The following SLC13A3 variants were observed in gnomAD, a reference collection of about 807,000 sequenced individuals.
SLC13A3 encodes the protein Na(+)/dicarboxylate cotransporter 3.
In SLC13A3, 40 loss-of-function variants were observed where a neutral mutation model predicts 59.0. The observed-to-expected ratio is 0.68, with a 90% CI of 0.53 to 0.88. The LOEUF is 0.88. Among genes scored for constraint, SLC13A3 ranks in the 40% least tolerant of loss-of-function variants. The pLI, the probability that SLC13A3 is intolerant of heterozygous loss-of-function variation, is 0.00. For synonymous variants in SLC13A3, 317 were observed against 330.3 expected (o/e 0.96, Z 0.44); for missense variants, 699 against 783.2 (o/e 0.89, Z 1.28).
At chr20:46,635,305 A>G (rs1000794814) in intron 1 of SLC13A3, among the ~76,000 whole-genome samples, 3 of 152,172 alleles carry the variant, frequency 2.0e-5, no homozygotes, top group Non-Finnish European at 2.9e-5. Flanking sequence ...CGGCAGGCCC[A>G]GGGAAAGGAC....
chr20:46,618,353 G>T lies in SLC13A3; in HGVS notation c.112-4628C>A, dbSNP rs148966304. On this transcript the variant is annotated intron_variant, in intron 1 of 12. Transcript: ENST00000279027. ...AAGGGCTAAAACAGAGTTTAAGACA[G>T]TGAGCTATGGAGCAAAGGTGAAAGG... 5.7e-3 allele frequency among the ~76,000 whole-genome samples: 870 copies of T among 152,354 alleles called. 9 individuals are homozygous for T. Among genetic ancestry groups the T allele is most frequent in the African/African-American group, 0.02 (828 of 41,578 alleles).
At chr20:46,581,872 T>C (rs536549149) in intron 9 of SLC13A3, among the ~76,000 whole-genome samples, 1 of 152,144 alleles carries the variant, frequency 6.6e-6, no homozygotes, top group Non-Finnish European at 1.5e-5. Flanking sequence ...TTTGGAAGAC[T>C]GACTGGAAAA....
upstream of SLC13A3, chr20:46,673,906 A>G (rs2063106976): frequency 6.6e-6 from 1 of 152,230 alleles, no homozygotes; most frequent in African/African-American, 2.4e-5. Context: ...TTGAGCACCT[A>G]TTGTATACCA....
At chr20:46,649,637 C>T (rs1418575772) in intron 1 of SLC13A3, among the ~76,000 whole-genome samples, 1 of 152,156 alleles carries the variant, frequency 6.6e-6, no homozygotes, top group East Asian at 1.9e-4. Flanking sequence ...CACATCAATC[C>T]CAGAAGCTAG....
At position 46,632,465 on chromosome 20, in the gene SLC13A3, G is replaced by GA. The variant is rs754161406; in HGVS notation, c.112-18741dup. Among the ~76,000 whole-genome samples, 120 of 121,828 alleles carry GA rather than the reference G, an allele frequency of 9.8e-4. 1 individual carries two copies. Among genetic ancestry groups the GA allele is most frequent in the Non-Finnish European group, 1.5e-3 (78 of 51,478 alleles). 79.9% of individuals were successfully genotyped at this position (121,828 alleles called of 152,430 possible). On this transcript the variant is annotated intron_variant, in intron 1 of 12. Coordinates refer to ENST00000279027, the MANE Select transcript of SLC13A3 (RefSeq NM_022829.6). Reference sequence around the variant, plus strand: ...TGGAAGAAGGCCAGCCCCCAAGGGGGAAAAAAAAAAAAAGCTGCCAGGATC... The same window carrying GA: ...TGGAAGAAGGCCAGCCCCCAAGGGGGAAAAAAAAAAAAAAGCTGCCAGGATC...
chr20:46,632,533 T>A (rs729762), intron 1 of SLC13A3, among the ~76,000 whole-genome samples: 116,247 of 151,458 alleles, frequency 0.77, 45,253 homozygotes, highest in East Asian at 0.93. Flanking sequence ...CTGGGGGTTA[T>A]AATCCGGACC....
upstream of SLC13A3, among the ~76,000 whole-genome samples, chr20:46,674,604 C>CGCGCGCGG: frequency 7.8e-6 from 1 of 127,956 alleles, no homozygotes; most frequent in African/African-American, 3.2e-5. Flanking sequence ...CGCGCGCGCG[C>CGCGCGCGG]GTGTGTGTGT....
intron 11 of SLC13A3, among the ~76,000 whole-genome samples, chr20:46,565,841 C>T (rs1265593042): frequency 1.3e-5 from 2 of 152,208 alleles, no homozygotes; most frequent in African/African-American, 4.8e-5. Flanking sequence ...CAACTATCAA[C>T]AGTGTTGAAA....
Position 46,632,983 on chromosome 20 carries a change from CATCT to C in SLC13A3, c.111+18324_111+18327del, listed in dbSNP as rs952534324. Among the ~76,000 whole-genome samples the C allele has an allele frequency of 3.3e-5, 5 of 151,158 alleles. No homozygotes were observed. In the East Asian group the frequency reaches 5.9e-4, roughly 18 times the overall value. On this transcript the variant is annotated intron_variant, in intron 1 of 12. Coordinates refer to ENST00000279027, the MANE Select transcript of SLC13A3 (RefSeq NM_022829.6). ...TCTATCTATCTGTTTATGTATCTATCATCTATCTATCTATCATCTATCTATCTGG... is the reference window on the plus strand; with the variant it reads ...TCTATCTATCTGTTTATGTATCTATCATCTATCTATCATCTATCTATCTGG...
Position 46,582,553 on chromosome 20 carries a change from T to C in SLC13A3, c.1219+1019A>G, listed in dbSNP as rs1249645520. 2.6e-5 allele frequency: 20 copies of C among 773,178 alleles called. No homozygotes were observed. The Admixed American group carries it at 1.3e-3, about 49-fold the overall frequency. 47.9% of individuals were successfully genotyped at this position (773,178 alleles called of 1,614,324 possible). ...AAGAGTTCGAGACTGCGCTGAGCTG[T>C]GATGGTGCTACTGCACCCCAGCCTG... On this transcript the variant is annotated intron_variant, in intron 9 of 12. Coordinates refer to ENST00000279027, the MANE Select transcript of SLC13A3 (RefSeq NM_022829.6).
chr20:46,657,327 C>T (rs916147652), intron 1 of SLC13A3, among the ~76,000 whole-genome samples: 2 of 150,982 alleles, frequency 1.3e-5, no homozygotes, highest in African/African-American at 2.4e-5. Flanking sequence ...GAGCCGAGAT[C>T]GCACCACTGC....
chr20:46,583,797 G>A, intron 8 of SLC13A3, 128 bp from the exon 9 acceptor site: 2 of 1,488,500 alleles, frequency 1.3e-6, no homozygotes, highest in Non-Finnish European at 1.8e-6. Context: ...TTGGAGGCTG[G>A]GCCACTGGAT....
intron 1 of SLC13A3, among the ~76,000 whole-genome samples, chr20:46,622,629 T>C (rs200220486): frequency 0.11 from 6,086 of 54,026 alleles, 264 homozygotes; most frequent in Admixed American, 0.29. Flanking sequence ...TGCGTGTGTG[T>C]GTGTGTGTGT....
intron 1 of SLC13A3, among the ~76,000 whole-genome samples, chr20:46,644,757 C>T (rs1183903408): frequency 1.3e-5 from 2 of 152,088 alleles, no homozygotes; most frequent in Non-Finnish European, 2.9e-5. Context: ...CTCCTGAACA[C>T]CAGGGTTTGC....
chr20:46,632,471 A>C (rs1313355043), intron 1 of SLC13A3, among the ~76,000 whole-genome samples: 6 of 151,812 alleles, frequency 4.0e-5, no homozygotes, highest in Non-Finnish European at 8.8e-5. Context: ...GGGGGAAAAA[A>C]AAAAAAAGCT....
chr20:46,604,303 C>G lies in SLC13A3; in HGVS notation c.542-4266G>C, dbSNP rs113715239. ...CTGTCCTGGGTTCCTTTTAACACCC[C>G]CTTCCTGAAATAATCAGGGTAGCTC... On this transcript the variant is annotated intron_variant, in intron 3 of 12. Transcript: ENST00000279027. Among the ~76,000 whole-genome samples, 1,031 of 152,222 alleles carry G rather than the reference C, an allele frequency of 6.8e-3. 14 individuals are homozygous for G. Among genetic ancestry groups the G allele is most frequent in the African/African-American group, 0.024 (979 of 41,520 alleles).
rs1211977156 is a variant in SLC13A3, at chr20:46,596,179, T to C, written c.772A>G (p.Ile258Val). ...CACCTCTTGAGCTGGCCAAGCAGGA[T>C]GAGGTTAGGGGCTGTGCCCGTGAGT... ...ATLTGTAPNL[I>V]LLGQLKSFFP... Residue 258 changes from isoleucine (I) to valine (V), a missense_variant, in exon 5 of 13, where the codon ATC becomes GTC. By Grantham distance (29) the Ile-to-Val change is conservative. Coordinates refer to ENST00000279027, the MANE Select transcript of SLC13A3 (RefSeq NM_022829.6). 6.2e-7 allele frequency: 1 copy of C among 1,613,472 alleles called. No individual in the cohort carries two copies. The highest frequency in any genetic ancestry group is 8.5e-7 in the Non-Finnish European group (1 of 1,179,862).
intron 7 of SLC13A3, 33 bp downstream of exon 7, chr20:46,589,127 A>G (rs1460556043): frequency 1.3e-6 from 2 of 1,584,754 alleles, no homozygotes; most frequent in Non-Finnish European, 1.7e-6. Flanking sequence ...TTTAATACTC[A>G]GCTCTTTCCT....
chr20:46,622,124 G>A (rs2062621873), intron 1 of SLC13A3, among the ~76,000 whole-genome samples: 1 of 152,176 alleles, frequency 6.6e-6, no homozygotes, highest in Admixed American at 6.5e-5. Context: ...CCAGAACTTG[G>A]CACAGTCCCC....
Sources: allele counts gnomAD v4.1 joint callset (sites outside exome capture counted in the v4.1 genomes callset), GRCh38; gene constraint gnomAD v4.1.1; transcripts MANE v1.5; gene names NCBI Gene and HGNC (gene_info 2026-07-23, HGNC 2026-07-21).